DNM2: variants seen among roughly 807,000 people sequenced by gnomAD.
DNM2 encodes dynamin-2.
Under a neutral mutation model 99.0 loss-of-function variants are expected in DNM2, and 15 were observed. That is an observed-to-expected ratio of 0.15 (90% confidence interval 0.10 to 0.23). DNM2 has a LOEUF of 0.23. Among genes scored for constraint, DNM2 ranks in the 10% least tolerant of loss-of-function variants. The pLI is 1.00. For synonymous variants in DNM2, 525 were observed against 481.2 expected (o/e 1.09, Z -1.19); for missense variants, 742 against 1,189.4 (o/e 0.62, Z 5.53).
At position 10,796,148 on chromosome 19, in the gene DNM2, C is replaced by T. The variant is rs1459325416; in HGVS notation, c.1196+709C>T. The T allele has an allele frequency of 8.1e-6, 13 of 1,614,162 alleles. No individual in the cohort carries two copies. Among genetic ancestry groups the T allele is most frequent in the Middle Eastern group, 1.7e-4 (1 of 6,026 alleles). ...TGAAAGAGCCCTGTCTGAAATGTGT[C>T]GACCTGGTTATCCAGGAGCTAATCA... On this transcript the variant is annotated intron_variant, in intron 9 of 20. Transcript: ENST00000389253. The surrounding 1 kb of genome is among the most constrained non-coding windows in gnomAD (Gnocchi z 5.6).
intron 18 of DNM2, among the ~76,000 whole-genome samples, chr19:10,827,044 G>A (rs143717137): frequency 6.6e-6 from 1 of 152,134 alleles, no homozygotes; most frequent in East Asian, 1.9e-4. Flanking sequence ...GATCCCAGGA[G>A]TTCAAGACCA....
intron 1 of DNM2, among the ~76,000 whole-genome samples, chr19:10,733,236 G>C (rs1416656135): frequency 1.4e-5 from 2 of 147,048 alleles, no homozygotes; most frequent in Non-Finnish European, 3.0e-5. Flanking sequence ...CTTTCACCCA[G>C]GTTGGAGTGC....
chr19:10,815,359 G>C (rs1215463289), intron 15 of DNM2, among the ~76,000 whole-genome samples: 1 of 152,176 alleles, frequency 6.6e-6, no homozygotes, highest in Non-Finnish European at 1.5e-5. Flanking sequence ...GTGACAGCTG[G>C]GGCTTGACAC....
chr19:10,748,649 C>T (rs1325095785), intron 1 of DNM2, among the ~76,000 whole-genome samples: 1 of 152,170 alleles, frequency 6.6e-6, no homozygotes, highest in Non-Finnish European at 1.5e-5. Context: ...TGCGGGTCTG[C>T]CTCATTGGTG....
intron 13 of DNM2, among the ~76,000 whole-genome samples, chr19:10,806,561 C>T (rs962968828): frequency 3.3e-5 from 5 of 151,782 alleles, no homozygotes; most frequent in Admixed American, 3.3e-4. Context: ...GAGGCTGAGG[C>T]GGGCGGATTG....
chr19:10,809,694 C>G (rs1322790594), intron 14 of DNM2: 1 of 152,424 alleles, frequency 6.6e-6, no homozygotes, highest in Non-Finnish European at 1.5e-5. Context: ...CCAGTCCTAG[C>G]AGGGGCTCCC....
rs370891998 is a variant in DNM2 at position 10,754,288 on chromosome 19, ACT to A, written c.162-5447_162-5446del. Among the ~76,000 whole-genome samples the A allele has an allele frequency of 1.2e-3, 180 of 144,464 alleles. 2 individuals carry two copies. Among genetic ancestry groups the A allele is most frequent in the African/African-American group, 4.6e-3 (177 of 38,722 alleles). 94.8% of individuals were successfully genotyped at this position (144,464 alleles called of 152,430 possible). A position where few individuals can be genotyped will look rare whatever the true frequency, so the allele number is the denominator to read the frequency against. ...TTTTTTTTTTTTGAGACGGAGTCTC[ACT>A]CTGTTGCCAGGCTGGAGTGCAGTGG... On this transcript the variant is annotated intron_variant, in intron 1 of 20. Transcript: ENST00000389253.
At chr19:10,771,844 T>C (rs768680535) in intron 2 of DNM2, among the ~76,000 whole-genome samples, 24 of 152,186 alleles carry the variant, frequency 1.6e-4, no homozygotes, top group Non-Finnish European at 3.2e-4. Flanking sequence ...TGTCTACCTG[T>C]TTATTTTTGG....
chr19:10,779,419 A>AC (rs976480642), intron 5 of DNM2, among the ~76,000 whole-genome samples: 13 of 135,228 alleles, frequency 9.6e-5, no homozygotes, highest in African/African-American at 3.4e-4. Flanking sequence ...CATTGTCACC[A>AC]CCCCACCCCA....
Position 10,829,027 on chromosome 19 carries a change from T to C in DNM2, c.2059-9T>C, listed in dbSNP as rs763051285. 3 of 1,611,620 alleles carry C rather than the reference T, an allele frequency of 1.9e-6. No individual in the cohort carries two copies. In the South Asian group the frequency reaches 3.3e-5, roughly 18 times the overall value. On this transcript the variant is annotated splice_polypyrimidine_tract_variant and intron_variant, in intron 18 of 20. Coordinates refer to ENST00000389253, the MANE Select transcript of DNM2 (RefSeq NM_001005361.3). ...CACAAGCCTGACCCTCCCCAACCCC[T>C]GCCCGCAGACGAAGGCCTTCATCCA...
intron 5 of DNM2, among the ~76,000 whole-genome samples, chr19:10,780,492 T>G (rs767445486): frequency 1.3e-5 from 2 of 152,174 alleles, no homozygotes; most frequent in African/African-American, 4.8e-5. Context: ...TTCTCTGCCT[T>G]CCTTCCTGTT....
chr19:10,790,998 C>A (rs1241984074), intron 7 of DNM2, among the ~76,000 whole-genome samples: 7 of 152,296 alleles, frequency 4.6e-5, no homozygotes, highest in Non-Finnish European at 8.8e-5. Flanking sequence ...AAACTCCTGA[C>A]CTCAAGCAAA....
chr19:10,800,702 C>T (rs992320781), intron 11 of DNM2, among the ~76,000 whole-genome samples: 1 of 152,252 alleles, frequency 6.6e-6, no homozygotes, highest in African/African-American at 2.4e-5. Flanking sequence ...TGACGCGCAT[C>T]CCAGCGCCTC....
intron 5 of DNM2, among the ~76,000 whole-genome samples, chr19:10,777,571 T>A (rs1248700155): frequency 6.6e-6 from 1 of 152,180 alleles, no homozygotes; most frequent in Non-Finnish European, 1.5e-5. Flanking sequence ...CTTTCTATTA[T>A]GAGCCTTCCC....
intron 10 of DNM2, among the ~76,000 whole-genome samples, chr19:10,798,135 T>C (rs1277664692): frequency 2.6e-5 from 4 of 152,186 alleles, no homozygotes; most frequent in Admixed American, 2.6e-4. Flanking sequence ...GGCGAGGCCC[T>C]TCAGGGTTCC....
At chr19:10,769,678 G>A (rs1186024002) in intron 2 of DNM2, among the ~76,000 whole-genome samples, 6 of 151,900 alleles carry the variant, frequency 3.9e-5, no homozygotes, top group Non-Finnish European at 7.4e-5. Context: ...AAGAGCGGCC[G>A]AGTGTTTCCC....
intron 2 of DNM2, chr19:10,769,275 C>T (rs2070898776): frequency 6.6e-6 from 1 of 152,366 alleles, no homozygotes. Flanking sequence ...CATTACTGCA[C>T]ACAGCGTGCT....
Position 10,793,804 on chromosome 19 carries a change from C to T in DNM2, c.1077C>T (p.Gly359=), listed in dbSNP as rs112238216. The part of the protein sequence containing the change: ...DQVDTLELSG[G]ARINRIFHER... ...TGGACACTCTGGAGCTCTCCGGGGG[C>T]GCCCGAATCAATCGCATCTTCCACG... The change falls in exon 8 of 21, where the codon GGC becomes GGT. Residue 359 remains glycine, a synonymous_variant. Coordinates refer to ENST00000389253, the MANE Select transcript of DNM2 (RefSeq NM_001005361.3). The T allele has an allele frequency of 0.019, 29,915 of 1,614,076 alleles. 391 individuals are homozygous for T. The highest frequency in any genetic ancestry group is 0.043 in the African/African-American group (3,250 of 74,984).
chr19:10,809,966 GA>G (rs2072483798), intron 14 of DNM2: 1 of 152,342 alleles, frequency 6.6e-6, no homozygotes, highest in Non-Finnish European at 1.5e-5. Context: ...GCCAGGCCAA[GA>G]CCAGGAACCT....
Sources: gnomAD v4.1 joint callset for allele counts (sites outside exome capture counted in the v4.1 genomes callset) on GRCh38, gnomAD v4.1.1 for gene constraint, Gnocchi (gnomAD v3.1) non-coding constraint, MANE v1.5 for transcripts, NCBI Gene and HGNC (gene_info 2026-07-23, HGNC 2026-07-21) for gene names.